Variants in NECTIN3 observed in about 807,000 individuals in gnomAD.
The protein encoded by NECTIN3 is nectin-3.
Under a neutral mutation model 49.4 loss-of-function variants are expected in NECTIN3, and 8 were observed. The ratio of observed to expected loss-of-function variants is 0.16; its 90% CI spans 0.10 to 0.29. The LOEUF (loss-of-function observed/expected upper bound fraction) is 0.29. Among genes scored for constraint, NECTIN3 ranks in the 10% least tolerant of loss-of-function variants. The probability of loss-of-function intolerance (pLI) is 1.00; values close to 1 mark genes in which losing one functional copy is unlikely to be tolerated. For missense variants in NECTIN3, 581 were observed against 654.6 expected (o/e 0.89, Z 1.23); for synonymous variants, 277 against 241.1 (o/e 1.15, Z -1.38).
chr3:111,191,330 A>G (rs148125403), upstream of NECTIN3, among the ~76,000 whole-genome samples: 48 of 152,326 alleles, frequency 3.2e-4, no homozygotes, highest in African/African-American at 9.4e-4. Flanking sequence ...ATTAGGTGAG[A>G]TAATGTTTGT....
chr3:111,178,914 G>A (rs2107531000), intron 7 of NECTIN3, among the ~76,000 whole-genome samples: 1 of 152,320 alleles, frequency 6.6e-6, no homozygotes, highest in South Asian at 2.1e-4. Flanking sequence ...GTGATATGGG[G>A]ACAGTGATAT....
intron 7 of NECTIN3, among the ~76,000 whole-genome samples, chr3:111,159,175 A>G (rs560976605): frequency 6.6e-6 from 1 of 152,122 alleles, no homozygotes; most frequent in African/African-American, 2.4e-5. Context: ...TAATTTTATT[A>G]TTTTCTATTT....
Position 111,137,044 on chromosome 3 carries a change from A to T in NECTIN3, c.*2829A>T, listed in dbSNP as rs1165219789. On this transcript the variant is annotated 3_prime_UTR_variant, in exon 6 of 6. Transcript: ENST00000485303. ...TAATAGCCATATACAGGAAAGTTTT[A>T]TAAGATAACCCACGGCTAAATATTT... 1 of 981,806 alleles carries T rather than the reference A, an allele frequency of 1.0e-6. No homozygotes were observed. Among genetic ancestry groups the T allele is most frequent in the Non-Finnish European group, 1.2e-6 (1 of 826,924 alleles). The allele number at this position is 981,806 out of a possible 1,614,324, so 60.8% of individuals were successfully genotyped here.
At chr3:111,145,173 G>A in intron 6 of NECTIN3, 1 of 1,004,978 alleles carries the variant, frequency 1.0e-6, no homozygotes. Flanking sequence ...AGATGACCGT[G>A]GTTTCATCAG....
chr3:111,081,605 T>C (rs2031610334), intron 1 of NECTIN3, among the ~76,000 whole-genome samples: 1 of 152,204 alleles, frequency 6.6e-6, no homozygotes, highest in South Asian at 2.1e-4. Flanking sequence ...ACTTGTCTTA[T>C]GTGAGAAATT....
intron 5 of NECTIN3, among the ~76,000 whole-genome samples, chr3:111,127,377 A>G (rs1262018379): frequency 6.6e-6 from 1 of 151,622 alleles, no homozygotes; most frequent in Admixed American, 6.6e-5. Context: ...ATTTATCTTC[A>G]CAATTCAGCA....
chr3:111,174,893 T>C (rs919673676), intron 7 of NECTIN3, among the ~76,000 whole-genome samples: 4 of 152,182 alleles, frequency 2.6e-5, no homozygotes, highest in South Asian at 2.1e-4. Context: ...GTGACAACTT[T>C]CTGTATCCTG....
chr3:111,080,202 A>C (rs1031814701), intron 1 of NECTIN3, among the ~76,000 whole-genome samples: 1 of 152,146 alleles, frequency 6.6e-6, no homozygotes, highest in Non-Finnish European at 1.5e-5. Flanking sequence ...TTCAATGAGG[A>C]AAGATTTTCA....
intron 1 of NECTIN3, among the ~76,000 whole-genome samples, chr3:111,103,209 G>A (rs948761551): frequency 3.9e-5 from 6 of 152,122 alleles, no homozygotes; most frequent in African/African-American, 1.4e-4. Flanking sequence ...TGATTGGAAT[G>A]TTGTTGAATC....
Position 111,137,059 on chromosome 3 carries a change from G to A in NECTIN3, c.*2844G>A, listed in dbSNP as rs1217127500. The A allele has an allele frequency of 5.1e-6, 5 of 982,570 alleles. No homozygotes were observed. The highest frequency in any genetic ancestry group is 6.0e-6 in the Non-Finnish European group (5 of 827,576). The allele number at this position is 982,570 out of a possible 1,614,324, so 60.9% of individuals were successfully genotyped here. Reference sequence around the variant, plus strand: ...GGAAAGTTTTATAAGATAACCCACGGCTAAATATTTTGCATTAAGGAGCTG... The same window carrying A: ...GGAAAGTTTTATAAGATAACCCACGACTAAATATTTTGCATTAAGGAGCTG... On this transcript the variant is annotated 3_prime_UTR_variant, in exon 6 of 6. Transcript: ENST00000485303.
chr3:111,123,751 A>G lies in NECTIN3; in HGVS notation c.917+1513A>G, dbSNP rs375230915. Among the ~76,000 whole-genome samples the G allele has an allele frequency of 5.3e-5, 8 of 152,186 alleles. No homozygotes were observed. In the East Asian group the frequency reaches 7.7e-4, roughly 15 times the overall value. ...GACCAAATTGGCTGCTTTCTCATCC[A>G]TGTGTTTTTCATAAGCAACCCTTCA... On this transcript the variant is annotated intron_variant, in intron 4 of 5. Coordinates refer to ENST00000485303, the MANE Select transcript of NECTIN3 (RefSeq NM_015480.3).
At chr3:111,147,722 A>T (rs975668771) in intron 7 of NECTIN3, among the ~76,000 whole-genome samples, 5 of 152,210 alleles carry the variant, frequency 3.3e-5, no homozygotes, top group African/African-American at 1.2e-4. Context: ...TCAACAAACA[A>T]GAAGTTATGG....
intron 5 of NECTIN3, among the ~76,000 whole-genome samples, chr3:111,143,952 G>A (rs1332531618): frequency 1.3e-5 from 2 of 151,930 alleles, no homozygotes; most frequent in Non-Finnish European, 2.9e-5. Flanking sequence ...TCAGATGTGT[G>A]AAGGAACTTT....
intron 1 of NECTIN3, among the ~76,000 whole-genome samples, chr3:111,075,940 T>C (rs1260607682): frequency 6.6e-6 from 1 of 152,034 alleles, no homozygotes; most frequent in Non-Finnish European, 1.5e-5. Context: ...TCAGTTGGGG[T>C]CTATAGTACA....
intron 3 of NECTIN3, among the ~76,000 whole-genome samples, chr3:111,121,318 A>G (rs2033943993): frequency 6.6e-6 from 1 of 151,954 alleles, no homozygotes; most frequent in Non-Finnish European, 1.5e-5. Flanking sequence ...GGGCCAAAAC[A>G]GTGTATTATT....
chr3:111,166,026 C>G (rs1444411483), intron 7 of NECTIN3, among the ~76,000 whole-genome samples: 1 of 152,138 alleles, frequency 6.6e-6, no homozygotes, highest in East Asian at 1.9e-4. Flanking sequence ...CAACAATCCT[C>G]AAATTTCAGG....
chr3:111,178,588 G>C (rs1640782316), intron 7 of NECTIN3, among the ~76,000 whole-genome samples: 1 of 152,192 alleles, frequency 6.6e-6, no homozygotes, highest in Non-Finnish European at 1.5e-5. Context: ...TGAGGCTGGA[G>C]CTCAAGCAGG....
intron 6 of NECTIN3, among the ~76,000 whole-genome samples, chr3:111,145,772 T>G (rs965738395): frequency 2.0e-5 from 3 of 152,236 alleles, no homozygotes; most frequent in African/African-American, 7.2e-5. Flanking sequence ...GCATTATTTC[T>G]TATGTGGTTT....
intron 7 of NECTIN3, among the ~76,000 whole-genome samples, chr3:111,175,804 A>G (rs1310706979): frequency 1.3e-5 from 2 of 152,158 alleles, no homozygotes; most frequent in Non-Finnish European, 2.9e-5. Flanking sequence ...AGTATTACCA[A>G]TTCCAGCCAG....
Sources: gnomAD v4.1 joint callset for allele counts (sites outside exome capture counted in the v4.1 genomes callset) on GRCh38, gnomAD v4.1.1 for gene constraint, MANE v1.5 for transcripts, NCBI Gene and HGNC (gene_info 2026-07-23, HGNC 2026-07-21) for gene names.